DACH2: variants seen among roughly 807,000 people sequenced by gnomAD.
DACH2 encodes the protein dachshund homolog 2.
A neutral mutation model predicts 35.8 loss-of-function variants in DACH2; 17 were observed. That is an observed-to-expected ratio of 0.48 (90% CI 0.33 to 0.71). The LOEUF (loss-of-function observed/expected upper bound fraction) is 0.71, where lower values mean the gene tolerates loss of function less well. Among genes scored for constraint, DACH2 ranks in the 30% least tolerant of loss-of-function variants. DACH2 has a pLI of 0.02. For missense variants in DACH2, 469 were observed against 472.7 expected, an observed-to-expected ratio of 0.99 and a Z score of 0.07; for synonymous variants, 195 against 177.3, an observed-to-expected ratio of 1.10 and a Z score of -0.79.
At chrX:86,331,959 CA>C (rs2035221257) in intron 1 of DACH2, among the ~76,000 whole-genome samples, 1 of 111,556 alleles carries the variant, frequency 9.0e-6, no homozygotes, top group African/African-American at 3.3e-5. Context: ...TTATAAGACT[CA>C]GTTTGAAAAG....
At chrX:86,692,744 A>G (rs1322741576) in intron 4 of DACH2, among the ~76,000 whole-genome samples, 3 of 111,942 alleles carry the variant, frequency 2.7e-5, no homozygotes, top group East Asian at 2.8e-4. Flanking sequence ...TGCTCATTTT[A>G]TAAATTACAG....
intron 6 of DACH2, among the ~76,000 whole-genome samples, chrX:86,725,857 C>T (rs1291771): frequency 0.23 from 25,282 of 110,230 alleles, 2,386 homozygotes; most frequent in Admixed American, 0.44. Context: ...TGGGTATCAT[C>T]AGTTGTGGTA....
intron 1 of DACH2, 44 bp from the exon 2 acceptor site, chrX:86,376,776 CAATT>C: frequency 1.8e-6 from 2 of 1,113,817 alleles, no homozygotes; most frequent in Non-Finnish European, 2.4e-6. Flanking sequence ...CCAGAACTCT[CAATT>C]AACCAGTTTT....
intron 6 of DACH2, among the ~76,000 whole-genome samples, chrX:86,736,538 A>T (rs2041598553): frequency 9.0e-6 from 1 of 111,172 alleles, no homozygotes; most frequent in Admixed American, 9.6e-5. Context: ...GTTAATATCA[A>T]TTGCATTTTT....
At chrX:86,768,731 T>C (rs1244100305) in intron 7 of DACH2, among the ~76,000 whole-genome samples, 1 of 111,366 alleles carries the variant, frequency 9.0e-6, no homozygotes, top group East Asian at 2.8e-4. Flanking sequence ...TTGGCCTTTA[T>C]TGGTCCTGTT....
intron 1 of DACH2, among the ~76,000 whole-genome samples, chrX:86,195,373 G>T (rs1185434371): frequency 1.8e-5 from 2 of 111,286 alleles, no homozygotes; most frequent in Admixed American, 1.9e-4. Context: ...CCCACCCTGA[G>T]TTACTCTGCC....
chrX:86,434,159 A>G (rs2037029501), intron 2 of DACH2, among the ~76,000 whole-genome samples: 1 of 112,117 alleles, frequency 8.9e-6, no homozygotes, highest in Non-Finnish European at 1.9e-5. Context: ...TATATGAAAG[A>G]CACAGCGATT....
chrX:86,387,663 A>G (rs1233018305), intron 2 of DACH2, among the ~76,000 whole-genome samples: 1 of 112,064 alleles, frequency 8.9e-6, no homozygotes, highest in Non-Finnish European at 1.9e-5. Context: ...CAAATTTCCT[A>G]AGCACTGTAA....
intron 3 of DACH2, among the ~76,000 whole-genome samples, chrX:86,609,165 AT>A (rs777607841): frequency 5.8e-4 from 64 of 111,083 alleles, no homozygotes; most frequent in Admixed American, 4.4e-3. Context: ...TTTGTAAACT[AT>A]TTTTTTCTTT....
rs1231468028 is a variant in DACH2, at chrX:86,502,003, T to TTTTCC, written c.528-12274_528-12273insTCCTT. 2.7e-3 allele frequency among the ~76,000 whole-genome samples: 229 copies of TTTTCC among 84,728 alleles called. 2 individuals carry two copies. Among genetic ancestry groups the TTTTCC allele is most frequent in the Middle Eastern group, 0.011 (2 of 176 alleles). The allele number at this position is 84,728 out of a possible 115,157, so 73.6% of individuals were successfully genotyped here. A position where few individuals can be genotyped will look rare whatever the true frequency, so the allele number is the denominator to read the frequency against. On this transcript the variant is annotated intron_variant, in intron 2 of 11. Coordinates refer to ENST00000373125, the MANE Select transcript of DACH2 (RefSeq NM_053281.3). The stretch of plus-strand genomic sequence containing the variant: ...GGCAAAACATTTTGAATAATCCTTC[T>TTTTCC]TTCCTTCTTTCCTTCCTTCCTTCCT...
chrX:86,317,116 CAA>C lies in DACH2; in HGVS notation c.489-59692_489-59691del, dbSNP rs35386773. Reference sequence around the variant, plus strand: ...TGGGCAACAGAGTGAGACTCCATCTCAAAAAAAAAAAAAAAAAGGAATATAAG... The same window carrying C: ...TGGGCAACAGAGTGAGACTCCATCTCAAAAAAAAAAAAAAAGGAATATAAG... On this transcript the variant is annotated intron_variant, in intron 1 of 11. Transcript: ENST00000373125. 5.0e-4 allele frequency among the ~76,000 whole-genome samples: 33 copies of C among 66,191 alleles called. 1 individual carries two copies. The East Asian group carries it at 5.6e-3, about 11-fold the overall frequency. 57.5% of individuals were successfully genotyped at this position (66,191 alleles called of 115,157 possible).
chrX:86,501,200 A>G (rs1294061058), intron 2 of DACH2, among the ~76,000 whole-genome samples: 1 of 112,442 alleles, frequency 8.9e-6, no homozygotes. Context: ...AAGATTTAAA[A>G]TGATTATTCT....
chrX:86,556,786 ATATATATATAGAGAG>A (rs1369969447), intron 3 of DACH2, among the ~76,000 whole-genome samples: 15 of 60,258 alleles, frequency 2.5e-4, no homozygotes, highest in African/African-American at 3.6e-4. Context: ...ATATATATAT[ATATATATATAGAGAG>A]AGAGAGAGAG....
chrX:86,808,614 C>T (rs1251224793), intron 7 of DACH2, among the ~76,000 whole-genome samples: 1 of 102,011 alleles, frequency 9.8e-6, no homozygotes, highest in Non-Finnish European at 2.0e-5. Context: ...AGGTGTCTCA[C>T]TTGTCCTGAA....
chrX:86,703,540 G>A (rs1173632139), intron 5 of DACH2, among the ~76,000 whole-genome samples: 1 of 111,261 alleles, frequency 9.0e-6, no homozygotes, highest in Non-Finnish European at 1.9e-5. Flanking sequence ...TCTATCAAAG[G>A]ATTTCAAGAC....
chrX:86,746,642 G>A (rs2041715147), intron 7 of DACH2, among the ~76,000 whole-genome samples: 1 of 111,345 alleles, frequency 9.0e-6, no homozygotes. Context: ...TTTTTAAGTT[G>A]TAGGAGTTCT....
chrX:86,264,116 T>C (rs753434716), intron 1 of DACH2, among the ~76,000 whole-genome samples: 49 of 112,208 alleles, frequency 4.4e-4, no homozygotes, highest in South Asian at 2.6e-3. Flanking sequence ...AATTTATGTA[T>C]AGTGTATGCT....
chrX:86,477,968 C>A (rs996690144), intron 2 of DACH2, among the ~76,000 whole-genome samples: 3 of 111,491 alleles, frequency 2.7e-5, no homozygotes. Context: ...AACAAACAGG[C>A]AAAAACAAAA....
At chrX:86,732,172 G>C (rs909309199) in intron 6 of DACH2, among the ~76,000 whole-genome samples, 1 of 111,377 alleles carries the variant, frequency 9.0e-6, no homozygotes, top group African/African-American at 3.3e-5. Flanking sequence ...CAGTCATTTT[G>C]AGAACAAGAA....
Sources: allele counts gnomAD v4.1 joint callset (sites outside exome capture counted in the v4.1 genomes callset), GRCh38; gene constraint gnomAD v4.1.1; transcripts MANE v1.5; gene names NCBI Gene and HGNC (gene_info 2026-07-23, HGNC 2026-07-21).